Variants in FAN1 observed in about 807,000 individuals in gnomAD.
The protein encoded by FAN1 is FANCD2 and FANCI associated nuclease 1, also known as fanconi-associated nuclease 1.
Under a neutral mutation model 104.9 loss-of-function variants are expected in FAN1, and 91 were observed. The ratio of observed to expected loss-of-function variants is 0.87; its 90% confidence interval spans 0.73 to 1.03. The LOEUF (loss-of-function observed/expected upper bound fraction) is 1.03. FAN1 is among the 50% of genes least tolerant of loss of function. The pLI, the probability that FAN1 is intolerant of heterozygous loss-of-function variation, is 0.00. For synonymous variants in FAN1, 478 were observed against 457.6 expected (o/e 1.04, Z -0.57); for missense variants, 1,263 against 1,239.9 (o/e 1.02, Z -0.28).
rs1379842946 is a variant in FAN1 at position 30,925,137 on chromosome 15, G to GCATC, written c.2184_2187dup (p.Thr730HisfsTer32). 6.2e-7 allele frequency: 1 copy of GCATC among 1,613,544 alleles called. No homozygotes were observed. ...CATGCTCTCTGCCAGACTATCAAGT[G>GCATC]CATCACAGAGGGGCTGGCGGATCCG... On this transcript the variant is annotated frameshift_variant, in exon 9 of 15. Coordinates refer to ENST00000362065, the MANE Select transcript of FAN1 (RefSeq NM_014967.5). LOFTEE classifies it high-confidence loss of function.
At position 30,913,967 on chromosome 15, in the gene FAN1, G is replaced by T; in HGVS notation, c.1687G>T (p.Ala563Ser). 1 of 1,614,112 alleles carries T rather than the reference G, an allele frequency of 6.2e-7. No individual in the cohort carries two copies. Among genetic ancestry groups the T allele is most frequent in the Non-Finnish European group, 8.5e-7 (1 of 1,180,018 alleles). The change falls in exon 5 of 15, where the codon GCC becomes TCC. Residue 563 changes from alanine (A) to serine (S), a missense_variant. Coordinates refer to ENST00000362065, the MANE Select transcript of FAN1 (RefSeq NM_014967.5). The part of the protein sequence containing the change: ...SLTDSMEDED[A>S]ACGGQGQLST... ...GACCGACTCAATGGAAGATGAAGAC[G>T]CCGCTTGTGGAGGTCAGGGACAGCT...
rs762899201 is a variant in FAN1 at position 30,905,090 on chromosome 15, A to G, written c.427A>G (p.Arg143Gly). The change falls in exon 2 of 15, where the codon AGA (arginine) becomes GGA (glycine). Residue 143 changes from arginine to glycine, a missense_variant. Coordinates refer to ENST00000362065, the MANE Select transcript of FAN1 (RefSeq NM_014967.5). ...DVVCKNQDEL[R>G]NRSVKVICLG... ...GGTGTGCAAAAATCAAGATGAGCTG[A>G]GAAATCGTAGTGTGAAAGTCATTTG... The G allele has an allele frequency of 6.2e-7, 1 of 1,614,098 alleles. No homozygotes were observed. Among genetic ancestry groups the G allele is most frequent in the East Asian group, 2.2e-5 (1 of 44,886 alleles).
intron 2 of FAN1, among the ~76,000 whole-genome samples, chr15:30,906,766 G>T (rs1194110847): frequency 6.6e-6 from 1 of 152,176 alleles, no homozygotes; most frequent in Non-Finnish European, 1.5e-5. Flanking sequence ...ACATGTGAGC[G>T]ATACTTCTCT....
intron 14 of FAN1, chr15:30,940,716 T>C (rs1237982864): frequency 1.0e-6 from 1 of 989,036 alleles, no homozygotes; most frequent in Admixed American, 6.0e-5. Context: ...GCTATGAAGC[T>C]TAGTATGAAA....
intron 12 of FAN1, among the ~76,000 whole-genome samples, chr15:30,929,976 TATA>T (rs2062659543): frequency 7.9e-6 from 1 of 126,274 alleles, no homozygotes; most frequent in Non-Finnish European, 1.6e-5. Flanking sequence ...ATATAAAATA[TATA>T]ATATATAAGA....
At chr15:30,927,013 T>G in intron 10 of FAN1, 2 of 985,336 alleles carry the variant, frequency 2.0e-6, no homozygotes, top group Non-Finnish European at 2.4e-6. Flanking sequence ...CATGGACCAC[T>G]TAGGAGTTAA....
At chr15:30,933,250 T>C (rs1178868115) in intron 13 of FAN1, among the ~76,000 whole-genome samples, 2 of 152,206 alleles carry the variant, frequency 1.3e-5, no homozygotes, top group African/African-American at 2.4e-5. Flanking sequence ...TCTTTTCTAA[T>C]AGAGTTAGGT....
chr15:30,933,736 A>ATATAT (rs1207687415), intron 13 of FAN1, among the ~76,000 whole-genome samples: 1 of 121,584 alleles, frequency 8.2e-6, no homozygotes, highest in Admixed American at 7.6e-5. Flanking sequence ...TCTGATTATA[A>ATATAT]TTGTGGTATT....
At chr15:30,911,232 A>C (rs1464289021) in intron 4 of FAN1, 1 of 992,114 alleles carries the variant, frequency 1.0e-6, no homozygotes, top group African/African-American at 1.7e-5. Context: ...ATTTACCAAA[A>C]ACTGTGAGTG....
At position 30,928,647 on chromosome 15, in the gene FAN1, C is replaced by T. The variant is rs200756403; in HGVS notation, c.2583C>T (p.Asn861=). 1,145 of 1,613,970 alleles carry T rather than the reference C, an allele frequency of 7.1e-4. No individual in the cohort carries two copies. The highest frequency in any genetic ancestry group is 8.7e-4 in the Non-Finnish European group (1,022 of 1,179,984). The part of the protein sequence containing the change: ...FMDGIPDVFR[N]ACQAFPLDLC... ...ATGGGATTCCGGATGTCTTCAGAAA[C>T]GCCTGTCAGGTACTCCAGTGCCCCT... Residue 861 remains asparagine (N), a synonymous_variant, in exon 11 of 15, where the codon AAC becomes AAT. Transcript: ENST00000362065.
At chr15:30,909,005 G>T (rs1200745716) in intron 3 of FAN1, among the ~76,000 whole-genome samples, 3 of 152,164 alleles carry the variant, frequency 2.0e-5, no homozygotes, top group Non-Finnish European at 4.4e-5. Context: ...ACAGTTCTTC[G>T]ATTATGTTGA....
chr15:30,942,789 G>A lies in FAN1; in HGVS notation c.*1227G>A, dbSNP rs755377169. The A allele has an allele frequency of 2.5e-6, 3 of 1,219,796 alleles. No homozygotes were observed. Among genetic ancestry groups the A allele is most frequent in the Non-Finnish European group, 3.4e-6 (3 of 890,410 alleles). The allele number at this position is 1,219,796 out of a possible 1,614,324, so 75.6% of individuals were successfully genotyped here. On this transcript the variant is annotated 3_prime_UTR_variant, in exon 15 of 15. Transcript: ENST00000362065. ...CCCCTCAGAAACCCGCATTAGCAGT[G>A]TTACTCTTGGAAGTGCCTTTACTTT...
intron 10 of FAN1, 90 bp from the exon 11 acceptor site, chr15:30,928,463 G>A: frequency 6.4e-7 from 1 of 1,555,466 alleles, no homozygotes; most frequent in Non-Finnish European, 8.7e-7. Flanking sequence ...TGAGTGTGCA[G>A]TAGGTTATGG....
intron 14 of FAN1, chr15:30,941,127 T>G: frequency 7.9e-7 from 1 of 1,268,768 alleles, no homozygotes; most frequent in Non-Finnish European, 1.0e-6. Flanking sequence ...TTTCCTGTTG[T>G]CTGCTGCCTG....
chr15:30,928,832 G>A (rs1412681840), intron 11 of FAN1, 176 bp downstream of exon 11: 8 of 959,290 alleles, frequency 8.3e-6, no homozygotes, highest in Non-Finnish European at 8.7e-6. Context: ...AATTTAAGAT[G>A]TAAGTATGTG....
intron 13 of FAN1, among the ~76,000 whole-genome samples, chr15:30,931,791 C>T (rs2062716850): frequency 6.6e-6 from 1 of 151,966 alleles, no homozygotes; most frequent in South Asian, 2.1e-4. Flanking sequence ...GTCTGTATTT[C>T]TTGATTATTG....
rs542594148 is a variant in FAN1, at chr15:30,930,891, C to G, written c.2916+220C>G. 2.6e-5 allele frequency among the ~76,000 whole-genome samples: 4 copies of G among 152,272 alleles called. No individual in the cohort carries two copies. The South Asian group carries it at 8.3e-4, about 32-fold the overall frequency. The stretch of plus-strand genomic sequence containing the variant: ...GAGTGTGAGCAAGACAGAGCTCCAT[C>G]TCTTATGACTTGATGTGGACATGAT... On this transcript the variant is annotated intron_variant, in intron 13 of 14. Transcript: ENST00000362065.
At position 30,919,210 on chromosome 15, in the gene FAN1, G is replaced by A. The variant is rs376936720; in HGVS notation, c.1943+915G>A. 4.0e-5 allele frequency among the ~76,000 whole-genome samples: 6 copies of A among 151,682 alleles called. No individual in the cohort carries two copies. In the South Asian group the frequency reaches 6.3e-4, roughly 16 times the overall value. On this transcript the variant is annotated intron_variant, in intron 6 of 14. Coordinates refer to ENST00000362065, the MANE Select transcript of FAN1 (RefSeq NM_014967.5). ...AGCCTGACCAACATGGAGAAACCTC[G>A]TCTCTACTAAAAATACAAAATTAGC...
Position 30,904,651 on chromosome 15 carries a change from T to TAGA in FAN1, c.-13_-12insAGA. On this transcript the variant is annotated 5_prime_UTR_variant, in exon 2 of 15. Transcript: ENST00000362065. ...TGTTTTATTGCTCAGAACATCCAGT[T>TAGA]TTTCTAATACTCATGATGTCAGAAG... The TAGA allele has an allele frequency of 6.2e-7, 1 of 1,608,430 alleles. No homozygotes were observed.
Sources: allele counts gnomAD v4.1 joint callset (sites outside exome capture counted in the v4.1 genomes callset), GRCh38; gene constraint gnomAD v4.1.1; transcripts MANE v1.5; gene names NCBI Gene and HGNC (gene_info 2026-07-23, HGNC 2026-07-21).